Variants in CCNDBP1 observed in about 807,000 individuals in gnomAD.
The protein encoded by CCNDBP1 is cyclin D1 binding protein 1, also known as cyclin-D1-binding protein 1.
In CCNDBP1, 45 loss-of-function variants were observed where a neutral mutation model predicts 46.2. The ratio of observed to expected loss-of-function variants is 0.97; its 90% CI spans 0.77 to 1.25. CCNDBP1 has a LOEUF of 1.25. CCNDBP1 is among the 50% of genes most tolerant of loss of function. The pLI is 0.00. For synonymous variants in CCNDBP1, 154 were observed against 163.6 expected (o/e 0.94, Z 0.45); for missense variants, 436 against 442.1 (o/e 0.99, Z 0.12).
intron 8 of CCNDBP1, among the ~76,000 whole-genome samples, chr15:43,192,014 A>C (rs2041960327): frequency 6.6e-6 from 1 of 152,212 alleles, no homozygotes; most frequent in Non-Finnish European, 1.5e-5. Context: ...TATCACATCC[A>C]AGAAATTTGA....
rs571731081 is a variant in CCNDBP1 at position 43,196,985 on chromosome 15, C to T, written c.*2144C>T. On this transcript the variant is annotated 3_prime_UTR_variant, in exon 11 of 11. Transcript: ENST00000300213. ...TCGCTCTATATGTCCCTCCCCCACC[C>T]CAGAGCTGGCTGTTAAAACGAGGCT... 2.0e-5 allele frequency: 8 copies of T among 390,432 alleles called. No individual in the cohort carries two copies. The highest frequency in any genetic ancestry group is 1.5e-4 in the African/African-American group (7 of 48,216). The allele number at this position is 390,432 out of a possible 1,614,324, so 24.2% of individuals were successfully genotyped here.
At chr15:43,189,165 A>G in intron 3 of CCNDBP1, 34 bp from the exon 4 acceptor site, 2 of 1,211,414 alleles carry the variant, frequency 1.7e-6, no homozygotes, top group South Asian at 1.3e-5. Context: ...AGAAGGGTTG[A>G]CCACTTTGAT....
In CCNDBP1 at chr15:43,185,892, C is replaced by G. The variant is rs2041815181; in HGVS notation, c.169+13C>G. On this transcript the variant is annotated intron_variant, in intron 2 of 10. Coordinates refer to ENST00000300213, the MANE Select transcript of CCNDBP1 (RefSeq NM_012142.5). ...TGGAGAAGACTCAGTGAGTGCGCCT[C>G]CTTCCGGGCTCCCCTTGCCTCAGTT... is the stretch of plus-strand genomic sequence containing the variant. The G allele has an allele frequency of 6.2e-7, 1 of 1,608,056 alleles. No individual in the cohort carries two copies. Among genetic ancestry groups the G allele is most frequent in the Non-Finnish European group, 8.5e-7 (1 of 1,178,876 alleles).
At position 43,191,527 on chromosome 15, in the gene CCNDBP1, C is replaced by G; in HGVS notation, c.712C>G (p.Gln238Glu). ...GGACTTGTATTGGTCAGAGGACGAT[C>G]AAGAGCTCATAATCCCATGCCTTGC... ...NQDLYWSEDD[Q>E]ELIIPCLALV... Residue 238 changes from glutamine (Q) to glutamate (E), a missense_variant, in exon 8 of 11, where the codon CAA becomes GAA. Physicochemically the swap from Gln to Glu is conservative, Grantham distance 29 (BLOSUM62 2). Transcript: ENST00000300213. The G allele has an allele frequency of 6.2e-7, 1 of 1,614,030 alleles. No homozygotes were observed. The highest frequency in any genetic ancestry group is 1.1e-5 in the South Asian group (1 of 91,066).
In CCNDBP1 at chr15:43,194,971, C is replaced by G. The variant is rs1443771969; in HGVS notation, c.*130C>G. ...GCCTATCTATATTTAGCAAGAGACA[C>G]TATTACCAAAGATTGTTGGTTAGGC... On this transcript the variant is annotated 3_prime_UTR_variant, in exon 11 of 11. Coordinates refer to ENST00000300213, the MANE Select transcript of CCNDBP1 (RefSeq NM_012142.5). 1.7e-6 allele frequency: 1 copy of G among 595,960 alleles called. No individual in the cohort carries two copies. Among genetic ancestry groups the G allele is most frequent in the Non-Finnish European group, 3.0e-6 (1 of 336,954 alleles). The allele number at this position is 595,960 out of a possible 1,614,324, so 36.9% of individuals were successfully genotyped here. A position where few individuals can be genotyped will look rare whatever the true frequency, so the allele number is the denominator to read the frequency against.
chr15:43,187,999 T>TTTG (rs774754135), intron 3 of CCNDBP1, among the ~76,000 whole-genome samples: 9 of 152,110 alleles, frequency 5.9e-5, no homozygotes, highest in Non-Finnish European at 1.0e-4. Context: ...TTGGTTTTTT[T>TTTG]TTGTTGTTGT....
In CCNDBP1 at chr15:43,190,987, T is replaced by G; in HGVS notation, c.524T>G (p.Leu175Trp). 6.2e-7 allele frequency: 1 copy of G among 1,614,120 alleles called. No homozygotes were observed. The highest frequency in any genetic ancestry group is 8.5e-7 in the Non-Finnish European group (1 of 1,179,974). Residue 175 changes from leucine to tryptophan, a missense_variant, in exon 7 of 11, where the codon TTG becomes TGG. Transcript: ENST00000300213. ...IPRDNKAAALLMLTKNVDFVK... is the reference protein window; with the variant it reads ...IPRDNKAAALWMLTKNVDFVK... ...ATAGATAACAAAGCTGCAGCTCTTTTGATGCTGACCAAGAATGTGGATTTT... is the reference window on the plus strand; with the variant it reads ...ATAGATAACAAAGCTGCAGCTCTTTGGATGCTGACCAAGAATGTGGATTTT...
intron 1 of CCNDBP1, 59 bp downstream of exon 1, chr15:43,185,666 C>A: frequency 7.4e-7 from 1 of 1,349,570 alleles, no homozygotes; most frequent in Admixed American, 2.2e-5. Flanking sequence ...CGGGGAGAGG[C>A]CGGGCTCGGG....
chr15:43,194,739 G>C lies in CCNDBP1; in HGVS notation c.981G>C (p.Val327=). 1 of 1,609,978 alleles carries C rather than the reference G, an allele frequency of 6.2e-7. No individual in the cohort carries two copies. The highest frequency in any genetic ancestry group is 8.5e-7 in the Non-Finnish European group (1 of 1,176,272). The change falls in exon 11 of 11, where the codon GTG becomes GTC. Residue 327 remains valine, a synonymous_variant. Coordinates refer to ENST00000300213, the MANE Select transcript of CCNDBP1 (RefSeq NM_012142.5). ...ATTCTATTCACAGAGCAAGTCATGT[G>C]ACCCCTCAGCCAGAAGATAGTTGGA... ...KALEITKASH[V]TPQPEDSWIP...
chr15:43,192,735 GCT>G lies in CCNDBP1; in HGVS notation c.861-5_861-4del, dbSNP rs973118672. 2 of 1,613,582 alleles carry G rather than the reference GCT, an allele frequency of 1.2e-6. No individual in the cohort carries two copies. Among genetic ancestry groups the G allele is most frequent in the Non-Finnish European group, 1.7e-6 (2 of 1,179,732 alleles). On this transcript the variant is annotated splice_polypyrimidine_tract_variant and splice_region_variant and intron_variant, in intron 8 of 10. Coordinates refer to ENST00000300213, the MANE Select transcript of CCNDBP1 (RefSeq NM_012142.5). ...TTGTTAATGATTACTTTTGTTTTCT[GCT>G]CTTAGTGTGGATGATTTGGCTCTGA...
chr15:43,193,125 G>A, intron 9 of CCNDBP1: 1 of 274,672 alleles, frequency 3.6e-6, no homozygotes, highest in Non-Finnish European at 7.0e-6. Flanking sequence ...AGGAGGCGGA[G>A]GTCAGGAGTT....
chr15:43,194,334 T>C (rs1489818235), intron 9 of CCNDBP1, 81 bp from the exon 10 acceptor site: 1 of 1,160,626 alleles, frequency 8.6e-7, no homozygotes. Context: ...AATTTTTTTA[T>C]TACTTGGGTC....
Position 43,190,849 on chromosome 15 carries a change from C to T in CCNDBP1, c.503-117C>T, listed in dbSNP as rs2041937404. On this transcript the variant is annotated intron_variant, in intron 6 of 10. Coordinates refer to ENST00000300213, the MANE Select transcript of CCNDBP1 (RefSeq NM_012142.5). ...GAGAATTTTTTATTAAACCCGCACC[C>T]TTGTCAACCGTCCTTGGCACTCCCA... 6 of 786,328 alleles carry T rather than the reference C, an allele frequency of 7.6e-6. No homozygotes were observed. The South Asian group carries it at 9.1e-5, about 12-fold the overall frequency. 48.7% of individuals were successfully genotyped at this position (786,328 alleles called of 1,614,324 possible).
chr15:43,187,061 G>A (rs2041862228), intron 3 of CCNDBP1, among the ~76,000 whole-genome samples: 1 of 152,150 alleles, frequency 6.6e-6, no homozygotes, highest in South Asian at 2.1e-4. Context: ...CTATGACCAC[G>A]TATGCTCTAT....
rs370889208 is a variant in CCNDBP1, at chr15:43,190,005, G to T, written c.332-50G>T. ...ATGCTTAGACTCAGGAAAGCAGATGGTGCTTCTGAAAAGAACACCAGGTTG... is the reference window on the plus strand; with the variant it reads ...ATGCTTAGACTCAGGAAAGCAGATGTTGCTTCTGAAAAGAACACCAGGTTG... On this transcript the variant is annotated intron_variant, in intron 4 of 10. Transcript: ENST00000300213. The T allele has an allele frequency of 2.0e-6, 3 of 1,493,236 alleles. No homozygotes were observed. The East Asian group carries it at 6.8e-5, about 34-fold the overall frequency. The allele number at this position is 1,493,236 out of a possible 1,614,324, so 92.5% of individuals were successfully genotyped here. A position where few individuals can be genotyped will look rare whatever the true frequency, so the allele number is the denominator to read the frequency against.
intron 1 of CCNDBP1, 98 bp downstream of exon 1, chr15:43,185,705 G>A: frequency 7.0e-7 from 1 of 1,423,122 alleles, no homozygotes; most frequent in Non-Finnish European, 9.4e-7. Flanking sequence ...TCGGGGTCGC[G>A]GAGAGGGCGG....
chr15:43,191,423 G>A lies in CCNDBP1; in HGVS notation c.608G>A (p.Gly203Asp), dbSNP rs1567264082. Residue 203 changes from glycine (G) to aspartate (D), a missense_variant, in exon 8 of 11, where the codon GGC becomes GAC. By Grantham distance (94) the Gly-to-Asp change is moderately conservative. Transcript: ENST00000300213. The part of the protein sequence containing the change: ...QAVEECDPYS[G>D]LLNDTEENNS... ...GTGGAAGAATGTGACCCTTACTCTG[G>A]CCTCTTGAATGATACTGAGGAGAAC... The A allele has an allele frequency of 2.5e-6, 4 of 1,591,590 alleles. No individual in the cohort carries two copies. Among genetic ancestry groups the A allele is most frequent in the Non-Finnish European group, 3.4e-6 (4 of 1,169,736 alleles).
chr15:43,192,549 C>T (rs951260096), intron 8 of CCNDBP1, among the ~76,000 whole-genome samples, 194 bp from the exon 9 acceptor site: 4 of 152,180 alleles, frequency 2.6e-5, no homozygotes, highest in African/African-American at 9.7e-5. Context: ...CCCCCAGCTT[C>T]CTAGTGAAAT....
intron 3 of CCNDBP1, among the ~76,000 whole-genome samples, chr15:43,187,101 A>AAT: frequency 6.6e-6 from 1 of 152,336 alleles, no homozygotes; most frequent in Admixed American, 6.5e-5. Context: ...GTGTATGCTT[A>AAT]ATATAGGAGT....
Sources: gnomAD v4.1 joint callset for allele counts (sites outside exome capture counted in the v4.1 genomes callset) on GRCh38, gnomAD v4.1.1 for gene constraint, MANE v1.5 for transcripts, NCBI Gene and HGNC (gene_info 2026-07-23, HGNC 2026-07-21) for gene names.